Variants in MACROD2 observed in about 807,000 individuals in gnomAD.
MACROD2 encodes mono-ADP ribosylhydrolase 2.
In MACROD2, 36 loss-of-function variants were observed where a neutral mutation model predicts 70.4. The ratio of observed to expected loss-of-function variants is 0.51; its 90% CI spans 0.39 to 0.68. MACROD2 has a LOEUF of 0.68. MACROD2 is among the 30% of genes least tolerant of loss of function. MACROD2 has a pLI of 0.00. For synonymous variants in MACROD2, 172 were observed against 178.8 expected, an observed-to-expected ratio of 0.96 and a Z score of 0.30; for missense variants, 496 against 538.4, an observed-to-expected ratio of 0.92 and a Z score of 0.78.
intron 5 of MACROD2, among the ~76,000 whole-genome samples, chr20:14,988,646 T>A (rs1327057167): frequency 6.6e-5 from 10 of 152,190 alleles, no homozygotes; most frequent in African/African-American, 2.4e-4. Flanking sequence ...ATTTGCTATA[T>A]CTGAGAGGTT....
chr20:15,186,174 C>T (rs2076533375), intron 5 of MACROD2, among the ~76,000 whole-genome samples: 1 of 152,030 alleles, frequency 6.6e-6, no homozygotes, highest in African/African-American at 2.4e-5. Context: ...TGATATATTG[C>T]TTCACATTTT....
intron 3 of MACROD2, among the ~76,000 whole-genome samples, chr20:14,227,615 C>T (rs1845844121): frequency 1.3e-5 from 2 of 152,246 alleles, no homozygotes; most frequent in South Asian, 2.1e-4. Context: ...TCCGGACACG[C>T]TGCCTTTAAG....
chr20:14,050,649 G>C (rs978656415), intron 2 of MACROD2, among the ~76,000 whole-genome samples: 7 of 152,146 alleles, frequency 4.6e-5, no homozygotes, highest in Admixed American at 1.3e-4. Flanking sequence ...AAGTGGGAAT[G>C]GTGCAACAAA....
At chr20:14,873,721 T>C (rs1311112295) in intron 5 of MACROD2, among the ~76,000 whole-genome samples, 1 of 151,974 alleles carries the variant, frequency 6.6e-6, no homozygotes, top group African/African-American at 2.4e-5. Context: ...TAGCCAGGTG[T>C]GGTGGCGGGC....
At chr20:15,855,972 G>A (rs550942411) in intron 8 of MACROD2, among the ~76,000 whole-genome samples, 3 of 152,240 alleles carry the variant, frequency 2.0e-5, no homozygotes, top group Admixed American at 6.5e-5. Context: ...ATTGCAAATA[G>A]TGCTGCTATG....
intron 8 of MACROD2, among the ~76,000 whole-genome samples, chr20:15,702,594 A>C (rs2050475815): frequency 1.3e-5 from 2 of 152,128 alleles, no homozygotes; most frequent in Non-Finnish European, 2.9e-5. Context: ...ATAATTTGTG[A>C]ATATTTTCTC....
intron 5 of MACROD2, among the ~76,000 whole-genome samples, chr20:15,200,520 G>A (rs2076646809): frequency 6.6e-6 from 1 of 152,170 alleles, no homozygotes; most frequent in African/African-American, 2.4e-5. Flanking sequence ...CACTCTCTGA[G>A]TAGACTTAAA....
At chr20:14,825,425 G>T (rs1004919511) in intron 5 of MACROD2, among the ~76,000 whole-genome samples, 1 of 152,014 alleles carries the variant, frequency 6.6e-6, no homozygotes, top group African/African-American at 2.4e-5. Flanking sequence ...TGAAGTAAGG[G>T]CTTATAACAA....
intron 8 of MACROD2, among the ~76,000 whole-genome samples, chr20:15,525,655 A>G (rs552508281): frequency 6.6e-6 from 1 of 152,356 alleles, no homozygotes; most frequent in South Asian, 2.1e-4. Flanking sequence ...TAACATCCAC[A>G]GTAACTAGTG....
At chr20:14,536,156 C>G (rs2085361060) in intron 4 of MACROD2, among the ~76,000 whole-genome samples, 1 of 152,086 alleles carries the variant, frequency 6.6e-6, no homozygotes, top group Non-Finnish European at 1.5e-5. Flanking sequence ...CCCTGATACC[C>G]AACAACATAT....
chr20:15,412,241 G>A (rs1178275593), intron 6 of MACROD2, among the ~76,000 whole-genome samples: 1 of 152,052 alleles, frequency 6.6e-6, no homozygotes, highest in East Asian at 1.9e-4. Context: ...AGACACATGA[G>A]GATCTGTGGA....
At chr20:14,837,642 A>C (rs1382198168) in intron 5 of MACROD2, among the ~76,000 whole-genome samples, 1 of 152,062 alleles carries the variant, frequency 6.6e-6, no homozygotes, top group Non-Finnish European at 1.5e-5. Context: ...ACCATATTTA[A>C]TGATATTGAC....
intron 8 of MACROD2, among the ~76,000 whole-genome samples, chr20:15,691,245 C>T (rs6043447): frequency 0.26 from 38,849 of 152,154 alleles, 6,341 homozygotes; most frequent in African/African-American, 0.47. Context: ...GGATGTAACA[C>T]AAGCATCATA....
chr20:14,852,780 T>C (rs1334252651), intron 5 of MACROD2, among the ~76,000 whole-genome samples: 2 of 152,210 alleles, frequency 1.3e-5, no homozygotes, highest in Admixed American at 1.3e-4. Flanking sequence ...TGGCTTAACA[T>C]TCATAATGCC....
chr20:14,071,149 A>G (rs994797788), intron 2 of MACROD2, among the ~76,000 whole-genome samples: 1 of 151,766 alleles, frequency 6.6e-6, no homozygotes, highest in African/African-American at 2.4e-5. Flanking sequence ...AATGTAAAAT[A>G]TACTTATGAT....
intron 5 of MACROD2, among the ~76,000 whole-genome samples, chr20:14,776,052 G>A (rs2072229643): frequency 6.6e-6 from 1 of 151,968 alleles, no homozygotes; most frequent in African/African-American, 2.4e-5. Context: ...AATGTGCGTG[G>A]GAAAGAGAAG....
chr20:15,643,976 T>G (rs1184698702), intron 8 of MACROD2, among the ~76,000 whole-genome samples: 1 of 152,190 alleles, frequency 6.6e-6, no homozygotes, highest in Non-Finnish European at 1.5e-5. Flanking sequence ...AAAAGGATAA[T>G]GCCTCTCTCC....
intron 6 of MACROD2, among the ~76,000 whole-genome samples, chr20:15,293,844 G>A (rs1179546915): frequency 2.6e-5 from 4 of 152,148 alleles, no homozygotes; most frequent in Middle Eastern, 3.2e-3. Context: ...TTGGCCAGGC[G>A]CAGTGGCTCA....
chr20:15,526,314 A>G (rs1013600182), intron 8 of MACROD2, among the ~76,000 whole-genome samples: 10 of 152,344 alleles, frequency 6.6e-5, no homozygotes, highest in Admixed American at 3.9e-4. Flanking sequence ...TTAGATGACA[A>G]TGATGGAATG....
Sources: allele counts gnomAD v4.1 joint callset (sites outside exome capture counted in the v4.1 genomes callset), GRCh38; gene constraint gnomAD v4.1.1; transcripts MANE v1.5; gene names NCBI Gene and HGNC (gene_info 2026-07-23, HGNC 2026-07-21).